Variants in KATNIP observed in about 807,000 individuals in gnomAD.
The protein encoded by KATNIP is katanin interacting protein.
KATNIP carries 126 observed loss-of-function variants against 174.0 expected under a neutral mutation model. The ratio of observed to expected loss-of-function variants is 0.72; its 90% CI spans 0.63 to 0.84. The LOEUF (loss-of-function observed/expected upper bound fraction) is 0.84. Among genes scored for constraint, KATNIP ranks in the 40% least tolerant of loss-of-function variants. The pLI, the probability that KATNIP is intolerant of heterozygous loss-of-function variation, is 0.00. For missense variants in KATNIP, 1,958 were observed against 2,109.7 expected (o/e 0.93, Z 1.41); for synonymous variants, 810 against 835.7 (o/e 0.97, Z 0.53).
chr16:27,642,092 G>GCACTATT (rs753450778), intron 5 of KATNIP, among the ~76,000 whole-genome samples: 28 of 152,212 alleles, frequency 1.8e-4, no homozygotes, highest in Admixed American at 1.8e-3. Context: ...GAAAATTGCG[G>GCACTATT]CACTATTCAC....
At chr16:27,638,278 G>C (rs2076694710) in intron 5 of KATNIP, among the ~76,000 whole-genome samples, 1 of 152,174 alleles carries the variant, frequency 6.6e-6, no homozygotes, top group Non-Finnish European at 1.5e-5. Flanking sequence ...ATAGCTTCTT[G>C]TCAAGAAGGC....
At chr16:27,605,104 A>AT (rs1000562932) in intron 2 of KATNIP, among the ~76,000 whole-genome samples, 18 of 151,378 alleles carry the variant, frequency 1.2e-4, no homozygotes, top group African/African-American at 3.9e-4. Flanking sequence ...AATTTTTTAT[A>AT]TTTTTTTTAG....
chr16:27,581,452 T>A (rs978407785), intron 2 of KATNIP, among the ~76,000 whole-genome samples: 2 of 152,152 alleles, frequency 1.3e-5, no homozygotes, highest in Non-Finnish European at 2.9e-5. Context: ...CAGATTCAAG[T>A]GTGGCTGTCC....
rs1477519457 is a variant in KATNIP, at chr16:27,581,538, G to A, written c.63+7582G>A. On this transcript the variant is annotated intron_variant, in intron 2 of 27. Transcript: ENST00000261588. ...CCTAGTTCACTTGTCTTGTGGGGGTGAGAGGAGGGACGTTTACTTGAGAAG... is the reference window on the plus strand; with the variant it reads ...CCTAGTTCACTTGTCTTGTGGGGGTAAGAGGAGGGACGTTTACTTGAGAAG... Among the ~76,000 whole-genome samples the A allele has an allele frequency of 2.0e-5, 3 of 152,208 alleles. 1 individual carries two copies. Among genetic ancestry groups the A allele is most frequent in the South Asian group, 4.1e-4 (2 of 4,830 alleles).
chr16:27,752,948 G>A (rs373515248), intron 17 of KATNIP, among the ~76,000 whole-genome samples: 3 of 152,338 alleles, frequency 2.0e-5, no homozygotes, highest in South Asian at 4.1e-4. Context: ...CAGGGTAGGG[G>A]AGAAATGGGG....
intron 3 of KATNIP, among the ~76,000 whole-genome samples, chr16:27,624,156 C>A (rs1276450185): frequency 6.6e-6 from 1 of 151,560 alleles, no homozygotes; most frequent in Non-Finnish European, 1.5e-5. Context: ...GGCTGCAGGC[C>A]CAGCACTTTT....
At chr16:27,712,963 A>G (rs1374778840) in intron 13 of KATNIP, among the ~76,000 whole-genome samples, 1 of 151,818 alleles carries the variant, frequency 6.6e-6, no homozygotes, top group Non-Finnish European at 1.5e-5. Context: ...ACACTACCAC[A>G]CTTGGTTAAT....
At chr16:27,629,247 T>C (rs2076420828) in intron 4 of KATNIP, among the ~76,000 whole-genome samples, 1 of 151,674 alleles carries the variant, frequency 6.6e-6, no homozygotes, top group Admixed American at 6.6e-5. Flanking sequence ...TACACCCGCA[T>C]GGCCAGAAAG....
At chr16:27,723,302 CCTCT>C (rs989710153) in intron 14 of KATNIP, among the ~76,000 whole-genome samples, 2 of 152,070 alleles carry the variant, frequency 1.3e-5, no homozygotes, top group African/African-American at 4.8e-5. Context: ...CCAGGCCTTG[CCTCT>C]CTCTTGTCAG....
chr16:27,663,010 A>AT (rs1009947533), intron 6 of KATNIP, among the ~76,000 whole-genome samples: 35 of 150,694 alleles, frequency 2.3e-4, no homozygotes, highest in South Asian at 6.3e-4. Flanking sequence ...TCATTTATTT[A>AT]TTTTTTTTTC....
rs1454491804 is a variant in KATNIP at position 27,721,562 on chromosome 16, A to G, written c.1610A>G (p.Lys537Arg). 1 of 1,614,160 alleles carries G rather than the reference A, an allele frequency of 6.2e-7. No homozygotes were observed. Residue 537 changes from lysine to arginine, a missense_variant, in exon 14 of 28, where the codon AAG (lysine) becomes AGG (arginine). Around this residue, in one of 3 missense-constraint regions of KATNIP, gnomAD observed 1,557 missense variants for 1,617.8 expected, o/e 0.96. Coordinates refer to ENST00000261588, the MANE Select transcript of KATNIP (RefSeq NM_015202.5). ...GRLVNRNLAG[K>R]KDSSPWTCPF... ...CTTCTCTTGCTGGCCTTCTAGGGCA[A>G]GAAAGACTCCTCCCCGTGGACCTGC... is the stretch of plus-strand genomic sequence containing the variant.
rs2077034895 is a variant in KATNIP at position 27,648,732 on chromosome 16, GC to G, written c.538del (p.Gln180ArgfsTer3). 6.2e-7 allele frequency: 1 copy of G among 1,612,864 alleles called. No individual in the cohort carries two copies. Among genetic ancestry groups the G allele is most frequent in the African/African-American group, 1.3e-5 (1 of 74,920 alleles). On this transcript the variant is annotated frameshift_variant and splice_region_variant, in exon 6 of 28. Coordinates refer to ENST00000261588, the MANE Select transcript of KATNIP (RefSeq NM_015202.5). LOFTEE classifies it high-confidence loss of function. Reference protein sequence around the residue: ...QANNTSEDRPQELRRSLELSV... With the variant: ...QANNTSEDRPXELRRSLELSV... Reference sequence around the variant, plus strand: ...CAAACAACACTTCTGAGGATCGTCCGCAGGTAGGGATGGCCTTGGCCTTGTG... The same window carrying G: ...CAAACAACACTTCTGAGGATCGTCCGAGGTAGGGATGGCCTTGGCCTTGTG...
At chr16:27,599,142 G>A (rs1038419784) in intron 2 of KATNIP, among the ~76,000 whole-genome samples, 3 of 152,182 alleles carry the variant, frequency 2.0e-5, no homozygotes, top group Admixed American at 6.5e-5. Context: ...ATGCTTCAGC[G>A]AGGGGTGTGT....
At chr16:27,593,334 G>A (rs1463543753) in intron 2 of KATNIP, among the ~76,000 whole-genome samples, 1 of 149,758 alleles carries the variant, frequency 6.7e-6, no homozygotes, top group Non-Finnish European at 1.5e-5. Flanking sequence ...CACCTCCCGG[G>A]TTCAAGCAAC....
chr16:27,675,184 A>G lies in KATNIP; in HGVS notation c.541-2545A>G, dbSNP rs190670762. ...TTCCACGTAGTTGGGGAGGCCTCAC[A>G]GTCATGGCAGAAGGCAAAGAAGGAG... On this transcript the variant is annotated intron_variant, in intron 6 of 27. Coordinates refer to ENST00000261588, the MANE Select transcript of KATNIP (RefSeq NM_015202.5). Among the ~76,000 whole-genome samples the G allele has an allele frequency of 5.3e-5, 8 of 152,350 alleles. No individual in the cohort carries two copies. In the East Asian group the frequency reaches 1.2e-3, roughly 22 times the overall value.
intron 8 of KATNIP, among the ~76,000 whole-genome samples, chr16:27,692,290 T>G (rs1368626111): frequency 1.3e-5 from 2 of 152,224 alleles, no homozygotes; most frequent in Non-Finnish European, 2.9e-5. Context: ...CTTGATTTTT[T>G]CAACTGTGCT....
intron 1 of KATNIP, among the ~76,000 whole-genome samples, chr16:27,560,599 G>A (rs2089841491): frequency 6.6e-6 from 1 of 152,118 alleles, no homozygotes; most frequent in Non-Finnish European, 1.5e-5. Context: ...TTCGCACCTC[G>A]CTGCCTTGCC....
intron 13 of KATNIP, among the ~76,000 whole-genome samples, chr16:27,720,991 C>A (rs2080211379): frequency 6.6e-6 from 1 of 152,196 alleles, no homozygotes; most frequent in African/African-American, 2.4e-5. Context: ...GCCCCTGGGG[C>A]CTCCATCAGG....
At chr16:27,554,401 G>A (rs555430238) in intron 1 of KATNIP, among the ~76,000 whole-genome samples, 1 of 152,188 alleles carries the variant, frequency 6.6e-6, no homozygotes, top group Admixed American at 6.5e-5. Context: ...GGAGGCAGAG[G>A]TTGCAGTGAG....
Sources: gnomAD v4.1 joint callset for allele counts (sites outside exome capture counted in the v4.1 genomes callset) on GRCh38, gnomAD v4.1.1 for gene constraint, gnomAD v4.1.1 regional missense constraint, MANE v1.5 for transcripts, NCBI Gene and HGNC (gene_info 2026-07-23, HGNC 2026-07-21) for gene names.